The following BANK1 variants were observed in gnomAD, a reference collection of about 807,000 sequenced individuals.
The protein encoded by BANK1 is B-cell scaffold protein with ankyrin repeats.
A neutral mutation model predicts 94.5 loss-of-function variants in BANK1; 95 were observed. That is an observed-to-expected ratio of 1.00 (90% CI 0.85 to 1.19). The LOEUF (loss-of-function observed/expected upper bound fraction) is 1.19, where lower values mean the gene tolerates loss of function less well. Among genes scored for constraint, BANK1 ranks in the 50% most tolerant of loss-of-function variants. BANK1 has a pLI of 0.00. For synonymous variants in BANK1, 334 were observed against 308.4 expected (o/e 1.08, Z -0.87); for missense variants, 987 against 932.2 (o/e 1.06, Z -0.77).
chr4:101,998,210 C>T (rs1174203631), intron 7 of BANK1, among the ~76,000 whole-genome samples: 1 of 152,028 alleles, frequency 6.6e-6, no homozygotes, highest in African/African-American at 2.4e-5. Flanking sequence ...GTTCCATTTC[C>T]ATATAGTTGT....
At chr4:101,862,411 A>G (rs1727912715) in intron 3 of BANK1, 115 bp from the exon 4 acceptor site, 3 of 737,236 alleles carry the variant, frequency 4.1e-6, no homozygotes, top group Non-Finnish European at 6.0e-6. Context: ...TACAAACACC[A>G]TAGAAGACTT....
intron 7 of BANK1, among the ~76,000 whole-genome samples, chr4:101,978,934 T>G (rs917913704): frequency 1.3e-5 from 2 of 152,066 alleles, no homozygotes; most frequent in East Asian, 3.8e-4. Flanking sequence ...CTTTCCTACT[T>G]GTATTTAAAA....
chr4:101,920,478 T>C (rs991259744), intron 7 of BANK1, among the ~76,000 whole-genome samples: 1 of 151,994 alleles, frequency 6.6e-6, no homozygotes, highest in African/African-American at 2.4e-5. Flanking sequence ...AATACTTTAC[T>C]GTTGCTTTAA....
intron 1 of BANK1, among the ~76,000 whole-genome samples, chr4:101,823,239 T>C (rs1726240832): frequency 6.6e-6 from 1 of 152,222 alleles, no homozygotes; most frequent in Non-Finnish European, 1.5e-5. Flanking sequence ...CCATGATATC[T>C]ATGACTTGAT....
At chr4:101,835,364 C>A (rs1400186439) in intron 2 of BANK1, among the ~76,000 whole-genome samples, 1 of 152,210 alleles carries the variant, frequency 6.6e-6, no homozygotes, top group Non-Finnish European at 1.5e-5. Context: ...CTGGACCAGG[C>A]ATGCTGGTTT....
chr4:101,836,177 G>T (rs1726818450), intron 2 of BANK1, among the ~76,000 whole-genome samples: 1 of 151,728 alleles, frequency 6.6e-6, no homozygotes, highest in African/African-American at 2.4e-5. Context: ...TTTACAAATG[G>T]AATGTTGTTA....
At chr4:102,035,387 G>A (rs773920112) in intron 10 of BANK1, among the ~76,000 whole-genome samples, 7 of 151,968 alleles carry the variant, frequency 4.6e-5, no homozygotes, top group East Asian at 1.9e-4. Context: ...GGTGGCTCAC[G>A]CCTGTAATCC....
chr4:101,887,674 A>G (rs1033090238), intron 5 of BANK1, among the ~76,000 whole-genome samples: 2 of 152,210 alleles, frequency 1.3e-5, no homozygotes, highest in Non-Finnish European at 2.9e-5. Context: ...ATGTAATAAT[A>G]CCACTTGCAA....
intron 6 of BANK1, among the ~76,000 whole-genome samples, chr4:101,902,899 TCTAACTG>T (rs767814036): frequency 6.6e-6 from 1 of 152,234 alleles, no homozygotes; most frequent in Non-Finnish European, 1.5e-5. Context: ...GCATTCTACT[TCTAACTG>T]CTGTTTGCAG....
intron 7 of BANK1, among the ~76,000 whole-genome samples, chr4:101,938,405 C>A (rs1347829927): frequency 6.6e-6 from 1 of 151,132 alleles, no homozygotes; most frequent in Non-Finnish European, 1.5e-5. Context: ...AGGGTTACTA[C>A]AGTCAATAAT....
chr4:101,986,913 A>ATG (rs1725523102), intron 7 of BANK1, among the ~76,000 whole-genome samples: 1 of 129,082 alleles, frequency 7.7e-6, no homozygotes. Flanking sequence ...ATATATATAT[A>ATG]TATATATATA....
chr4:101,969,266 G>A (rs904405881), intron 7 of BANK1, among the ~76,000 whole-genome samples: 1 of 151,968 alleles, frequency 6.6e-6, no homozygotes, highest in Non-Finnish European at 1.5e-5. Context: ...ACTAGAAAGC[G>A]AAGTCATCTG....
At chr4:102,042,186 T>C (rs981731620) in intron 10 of BANK1, among the ~76,000 whole-genome samples, 2 of 152,040 alleles carry the variant, frequency 1.3e-5, no homozygotes, top group African/African-American at 4.8e-5. Flanking sequence ...TTAAAGACTT[T>C]TAAAACTAGC....
At chr4:101,854,989 G>A in intron 2 of BANK1, 46 bp from the exon 3 acceptor site, 5 of 1,437,860 alleles carry the variant, frequency 3.5e-6, no homozygotes, top group Non-Finnish European at 4.8e-6. Context: ...AGGAAATACT[G>A]TGGCTTTAGT....
chr4:101,900,393 C>A (rs10013187), intron 6 of BANK1, among the ~76,000 whole-genome samples: 69,117 of 152,064 alleles, frequency 0.45, 16,844 homozygotes, highest in South Asian at 0.56. Context: ...CGCTTAATAT[C>A]ATCTAATTAC....
chr4:101,832,670 C>T (rs1295541228), intron 2 of BANK1, among the ~76,000 whole-genome samples: 1 of 152,170 alleles, frequency 6.6e-6, no homozygotes, highest in East Asian at 1.9e-4. Context: ...GTTCTTAATT[C>T]ACTCACCTCT....
At chr4:101,832,668 TTCAC>T (rs1726665560) in intron 2 of BANK1, among the ~76,000 whole-genome samples, 1 of 152,232 alleles carries the variant, frequency 6.6e-6, no homozygotes, top group Non-Finnish European at 1.5e-5. Context: ...TTGTTCTTAA[TTCAC>T]TCACCTCTCT....
intron 11 of BANK1, among the ~76,000 whole-genome samples, chr4:102,049,960 C>T (rs1727993885): frequency 1.3e-5 from 2 of 152,196 alleles, no homozygotes. Context: ...CTCCCAAGTG[C>T]TGGCAGGGCT....
chr4:101,800,886 T>C (rs140879770), intron 1 of BANK1, among the ~76,000 whole-genome samples: 5 of 152,180 alleles, frequency 3.3e-5, no homozygotes, highest in African/African-American at 1.2e-4. Context: ...GCCTCTCAGA[T>C]AGCTGGGATT....
Sources: gnomAD v4.1 joint callset for allele counts (sites outside exome capture counted in the v4.1 genomes callset) on GRCh38, gnomAD v4.1.1 for gene constraint, MANE v1.5 for transcripts, NCBI Gene and HGNC (gene_info 2026-07-23, HGNC 2026-07-21) for gene names.